ROR1: variants seen among roughly 807,000 people sequenced by gnomAD.
The protein encoded by ROR1 is ROR family WNT receptor 1.
ROR1 carries 19 observed loss-of-function variants against 78.8 expected under a neutral mutation model. The ratio of observed to expected loss-of-function variants is 0.24; its 90% CI spans 0.17 to 0.35. The LOEUF is 0.35. Ranked by LOEUF, ROR1 falls within the 10% of genes least tolerant of loss-of-function variation. ROR1 has a pLI of 1.00. For missense variants in ROR1, 917 were observed against 1,177.8 expected (o/e 0.78, Z 3.24); for synonymous variants, 386 against 433.6 (o/e 0.89, Z 1.36).
intron 7 of ROR1, among the ~76,000 whole-genome samples, chr1:64,144,418 G>A (rs941901473): frequency 3.9e-5 from 6 of 152,144 alleles, no homozygotes; most frequent in South Asian, 2.1e-4. Context: ...AAGGAAAGAG[G>A]AGCATATCTA....
intron 4 of ROR1, among the ~76,000 whole-genome samples, chr1:64,082,917 T>G (rs1005374615): frequency 1.3e-5 from 2 of 152,260 alleles, no homozygotes; most frequent in African/African-American, 2.4e-5. Context: ...TCTTGCACTT[T>G]GAATTCCATC....
chr1:64,072,849 A>G (rs1255010462), intron 4 of ROR1, among the ~76,000 whole-genome samples: 1 of 152,138 alleles, frequency 6.6e-6, no homozygotes, highest in African/African-American at 2.4e-5. Context: ...CACAGATCCC[A>G]ACGTCTGGAT....
chr1:63,863,647 C>T (rs947385790), intron 1 of ROR1, among the ~76,000 whole-genome samples: 8 of 151,992 alleles, frequency 5.3e-5, no homozygotes, highest in Non-Finnish European at 8.8e-5. Context: ...AATCTGATGG[C>T]GTATTTTTCT....
At chr1:64,156,173 A>G (rs1356604164) in intron 7 of ROR1, among the ~76,000 whole-genome samples, 3 of 152,244 alleles carry the variant, frequency 2.0e-5, no homozygotes, top group Non-Finnish European at 4.4e-5. Context: ...GCTTACAGCA[A>G]TTCTGTGAAG....
chr1:63,820,699 A>G (rs1644918673), intron 1 of ROR1, among the ~76,000 whole-genome samples: 1 of 152,202 alleles, frequency 6.6e-6, no homozygotes, highest in African/African-American at 2.4e-5. Flanking sequence ...AAGGTCAGGT[A>G]AGGTTCTGTA....
intron 4 of ROR1, among the ~76,000 whole-genome samples, chr1:64,072,450 A>G (rs1647012084): frequency 6.6e-6 from 1 of 152,116 alleles, no homozygotes; most frequent in African/African-American, 2.4e-5. Context: ...AAAGTGCCTT[A>G]GGTTTACTGC....
intron 8 of ROR1, among the ~76,000 whole-genome samples, chr1:64,174,509 G>C (rs1318306566): frequency 1.3e-5 from 2 of 152,138 alleles, no homozygotes; most frequent in East Asian, 3.8e-4. Context: ...AAGGAGGAGA[G>C]GGTATTGGGT....
chr1:64,062,792 A>T (rs545773147), intron 4 of ROR1, among the ~76,000 whole-genome samples: 1 of 152,330 alleles, frequency 6.6e-6, no homozygotes, highest in Admixed American at 6.5e-5. Flanking sequence ...CACAACAAAC[A>T]TAGCTAATGA....
intron 4 of ROR1, among the ~76,000 whole-genome samples, chr1:64,081,108 A>C (rs1400879091): frequency 6.6e-6 from 1 of 152,052 alleles, no homozygotes; most frequent in Non-Finnish European, 1.5e-5. Flanking sequence ...CCCTTACTAC[A>C]CTTCATGACT....
chr1:64,153,032 T>C (rs1384374481), intron 7 of ROR1, among the ~76,000 whole-genome samples: 1 of 152,214 alleles, frequency 6.6e-6, no homozygotes, highest in Non-Finnish European at 1.5e-5. Flanking sequence ...AATAATCTCA[T>C]CAAAATGAAA....
intron 7 of ROR1, among the ~76,000 whole-genome samples, chr1:64,152,892 A>G (rs1249999964): frequency 2.0e-5 from 3 of 152,222 alleles, no homozygotes; most frequent in African/African-American, 7.2e-5. Context: ...ATAAAGGCAG[A>G]TGATGAATTA....
chr1:63,909,070 T>G (rs1645549211), intron 1 of ROR1, among the ~76,000 whole-genome samples: 1 of 152,120 alleles, frequency 6.6e-6, no homozygotes, highest in Non-Finnish European at 1.5e-5. Context: ...AACAGGCACT[T>G]TTTTGTGAAG....
At chr1:63,946,558 T>A (rs1645891392) in intron 1 of ROR1, among the ~76,000 whole-genome samples, 1 of 152,206 alleles carries the variant, frequency 6.6e-6, no homozygotes, top group South Asian at 2.1e-4. Context: ...ATACCTCAAC[T>A]TTTGTTTTTG....
At chr1:64,149,719 T>C (rs1301864626) in intron 7 of ROR1, among the ~76,000 whole-genome samples, 3 of 152,256 alleles carry the variant, frequency 2.0e-5, no homozygotes, top group Non-Finnish European at 4.4e-5. Context: ...TTTGTTGTGG[T>C]CACCTTCCAA....
At chr1:64,048,896 A>G (rs760537402) in intron 2 of ROR1, among the ~76,000 whole-genome samples, 3 of 152,136 alleles carry the variant, frequency 2.0e-5, no homozygotes, top group Non-Finnish European at 4.4e-5. Flanking sequence ...GGGAGCAGGG[A>G]CCAACTACAA....
chr1:63,821,302 C>T (rs1391739989), intron 1 of ROR1, among the ~76,000 whole-genome samples: 1 of 152,200 alleles, frequency 6.6e-6, no homozygotes, highest in Non-Finnish European at 1.5e-5. Flanking sequence ...CAGAATGAGT[C>T]CACCACCTTG....
At chr1:63,895,165 G>C (rs1037251520) in intron 1 of ROR1, among the ~76,000 whole-genome samples, 1 of 152,178 alleles carries the variant, frequency 6.6e-6, no homozygotes, top group Non-Finnish European at 1.5e-5. Context: ...GATAGAGATG[G>C]CATTTAATGG....
At chr1:63,994,686 T>C (rs1646323364) in intron 1 of ROR1, among the ~76,000 whole-genome samples, 1 of 152,136 alleles carries the variant, frequency 6.6e-6, no homozygotes, top group South Asian at 2.1e-4. Context: ...TGCTTCTCTC[T>C]CCCAAGTGCT....
intron 1 of ROR1, among the ~76,000 whole-genome samples, chr1:63,788,457 G>A (rs570191330): frequency 3.9e-5 from 6 of 152,166 alleles, no homozygotes; most frequent in Admixed American, 2.0e-4. Flanking sequence ...TCACTAAAAC[G>A]TGTTGACTGT....
Sources: gnomAD v4.1 joint callset for allele counts (sites outside exome capture counted in the v4.1 genomes callset) on GRCh38, gnomAD v4.1.1 for gene constraint, MANE v1.5 for transcripts, NCBI Gene and HGNC (gene_info 2026-07-23, HGNC 2026-07-21) for gene names.